SFI1: variants seen among roughly 807,000 people sequenced by gnomAD.
SFI1 encodes the protein SFI1 centrin binding protein, also known as protein SFI1 homolog.
SFI1 carries 195 observed loss-of-function variants against 207.5 expected under a neutral mutation model. The observed-to-expected ratio is 0.94, with a 90% CI of 0.84 to 1.06. The LOEUF is 1.06. Among genes scored for constraint, SFI1 ranks in the 50% least tolerant of loss-of-function variants. The pLI is 0.00. For synonymous variants in SFI1, 630 were observed against 598.9 expected (o/e 1.05, Z -0.76); for missense variants, 1,634 against 1,588.0 (o/e 1.03, Z -0.49).
At chr22:31,570,062 A>C (rs1205885261) in intron 8 of SFI1, among the ~76,000 whole-genome samples, 2 of 151,896 alleles carry the variant, frequency 1.3e-5, no homozygotes, top group Non-Finnish European at 2.9e-5. Flanking sequence ...GGCTGCAGTG[A>C]GCCGTATTCT....
intron 8 of SFI1, among the ~76,000 whole-genome samples, chr22:31,563,106 G>A (rs572163418): frequency 6.6e-5 from 10 of 151,882 alleles, no homozygotes; most frequent in African/African-American, 2.4e-4. Flanking sequence ...CAATTCTCCT[G>A]CCTCAGCCTC....
At chr22:31,569,639 C>G (rs937666575) in intron 8 of SFI1, among the ~76,000 whole-genome samples, 23 of 152,112 alleles carry the variant, frequency 1.5e-4, no homozygotes, top group African/African-American at 4.6e-4. Context: ...ATGGACCACT[C>G]TGGCTGTTGT....
intron 2 of SFI1, among the ~76,000 whole-genome samples, chr22:31,527,592 T>C (rs1176265410): frequency 1.3e-5 from 2 of 152,194 alleles, no homozygotes; most frequent in East Asian, 1.9e-4. Context: ...AATAAAATTT[T>C]TTAAAAAGTA....
chr22:31,580,532 CTTTT>C (rs1278631395), intron 12 of SFI1, among the ~76,000 whole-genome samples, 168 bp downstream of exon 12: 3 of 140,706 alleles, frequency 2.1e-5, no homozygotes, highest in African/African-American at 5.2e-5. Flanking sequence ...TTCTTTCTTT[CTTTT>C]CTTTTCTTTT....
intron 15 of SFI1, among the ~76,000 whole-genome samples, chr22:31,596,985 CTT>C (rs1336532469): frequency 2.5e-5 from 3 of 118,398 alleles, no homozygotes; most frequent in Non-Finnish European, 1.8e-5. Flanking sequence ...TTCTAAATGG[CTT>C]CAGTACTGAA....
intron 1 of SFI1, among the ~76,000 whole-genome samples, chr22:31,500,277 CAAAA>C (rs150915256): frequency 1.0e-4 from 10 of 98,404 alleles, no homozygotes; most frequent in Non-Finnish European, 1.6e-4. Flanking sequence ...GACTCTGTCT[CAAAA>C]AAAAAAAAAA....
chr22:31,528,646 G>A (rs778352466), intron 2 of SFI1, 44 bp from the exon 3 acceptor site: 2 of 1,569,120 alleles, frequency 1.3e-6, no homozygotes, highest in South Asian at 1.1e-5. Flanking sequence ...CACATGCAGA[G>A]ATAACTTTAT....
intron 12 of SFI1, among the ~76,000 whole-genome samples, chr22:31,581,474 A>G (rs556456291): frequency 3.3e-5 from 5 of 151,788 alleles, no homozygotes; most frequent in African/African-American, 9.7e-5. Context: ...TATTTTTAGT[A>G]GAGACGGGTT....
chr22:31,554,048 G>T (rs966167992), intron 6 of SFI1, among the ~76,000 whole-genome samples: 3 of 151,160 alleles, frequency 2.0e-5, no homozygotes, highest in African/African-American at 7.3e-5. Flanking sequence ...TTGTTGCCCA[G>T]GCTGGTCTGA....
At chr22:31,567,862 T>C (rs2062485442) in intron 8 of SFI1, among the ~76,000 whole-genome samples, 1 of 152,186 alleles carries the variant, frequency 6.6e-6, no homozygotes, top group Admixed American at 6.6e-5. Flanking sequence ...TTACTTCAAG[T>C]AACTTTAAAA....
At position 31,604,190 on chromosome 22, in the gene SFI1, A is replaced by G. The variant is rs1053481193; in HGVS notation, c.1882-119A>G. The G allele has an allele frequency of 5.3e-6, 4 of 756,424 alleles. No homozygotes were observed. In the Admixed American group the frequency reaches 7.2e-5, roughly 14 times the overall value. The allele number at this position is 756,424 out of a possible 1,614,324, so 46.9% of individuals were successfully genotyped here. A position where few individuals can be genotyped will look rare whatever the true frequency, so the allele number is the denominator to read the frequency against. ...ACCCCTAAGAAGCACGTATTTATAG[A>G]TGAGGCCAGAGAGGTTAATTTACAC... On this transcript the variant is annotated intron_variant, in intron 18 of 32. Coordinates refer to ENST00000400288, the MANE Select transcript of SFI1 (RefSeq NM_001007467.3).
rs193215914 is a variant in SFI1, at chr22:31,524,070, C to T, written c.93-4620C>T. 2.3e-4 allele frequency among the ~76,000 whole-genome samples: 35 copies of T among 150,890 alleles called. No homozygotes were observed. The East Asian group carries it at 5.5e-3, about 24-fold the overall frequency. On this transcript the variant is annotated intron_variant, in intron 2 of 32. Transcript: ENST00000400288. Reference sequence around the variant, plus strand: ...TACAAAAATTAGCCGGGCTTGGTGGCGTGCACCTGTAGTCCCACCTACTTG... The same window carrying T: ...TACAAAAATTAGCCGGGCTTGGTGGTGTGCACCTGTAGTCCCACCTACTTG...
In SFI1 at chr22:31,543,578, G is replaced by A. The variant is rs138297624; in HGVS notation, c.339-3283G>A. Among the ~76,000 whole-genome samples, 470 of 152,260 alleles carry A rather than the reference G, an allele frequency of 3.1e-3. 4 individuals are homozygous for A. Among genetic ancestry groups the A allele is most frequent in the African/African-American group, 9.3e-3 (387 of 41,558 alleles). On this transcript the variant is annotated intron_variant, in intron 4 of 32. Transcript: ENST00000400288. ...TAATCCCAGCACTTTGGGAGGCTGA[G>A]GCCAGTGGACCACCCGAGCTCAGGA...
intron 7 of SFI1, among the ~76,000 whole-genome samples, chr22:31,561,056 G>T (rs939597237): frequency 6.6e-6 from 1 of 151,966 alleles, no homozygotes; most frequent in African/African-American, 2.4e-5. Flanking sequence ...GCATGTCTGT[G>T]GTGTCTAAAG....
At chr22:31,614,698 C>G (rs1346621132) in intron 27 of SFI1, 91 bp from the exon 28 acceptor site, 5 of 1,442,144 alleles carry the variant, frequency 3.5e-6, no homozygotes, top group Non-Finnish European at 4.8e-6. Context: ...GACTTTCAGT[C>G]TCCCTATAAA....
intron 22 of SFI1, among the ~76,000 whole-genome samples, chr22:31,608,433 C>T (rs564326290): frequency 1.3e-5 from 2 of 152,292 alleles, no homozygotes; most frequent in South Asian, 4.1e-4. Context: ...GAAGGGCCCA[C>T]CCTACTTGAG....
chr22:31,570,184 A>G (rs2062808579), intron 8 of SFI1, among the ~76,000 whole-genome samples: 1 of 152,136 alleles, frequency 6.6e-6, no homozygotes, highest in African/African-American at 2.4e-5. Flanking sequence ...AACAGGGAGG[A>G]CAGGTAAGAA....
intron 14 of SFI1, among the ~76,000 whole-genome samples, chr22:31,585,733 CT>C (rs2064951573): frequency 6.6e-6 from 1 of 152,114 alleles, no homozygotes; most frequent in South Asian, 2.1e-4. Flanking sequence ...TGAGTGTGAC[CT>C]TACAAGCCCG....
intron 20 of SFI1, chr22:31,606,047 C>T (rs1182387449): frequency 2.6e-6 from 1 of 386,054 alleles, no homozygotes; most frequent in South Asian, 3.8e-5. Flanking sequence ...CCTGTGTTGC[C>T]ACTGCCTGGT....
Sources: allele counts gnomAD v4.1 joint callset (sites outside exome capture counted in the v4.1 genomes callset), GRCh38; gene constraint gnomAD v4.1.1; transcripts MANE v1.5; gene names NCBI Gene and HGNC (gene_info 2026-07-23, HGNC 2026-07-21).